NRG3: variants seen among roughly 807,000 people sequenced by gnomAD.
NRG3 encodes the protein pro-neuregulin-3, membrane-bound isoform.
In NRG3, 31 loss-of-function variants were observed where a neutral mutation model predicts 66.9. That is an observed-to-expected ratio of 0.46 (90% CI 0.35 to 0.63). The LOEUF (loss-of-function observed/expected upper bound fraction) is 0.63, where lower values mean the gene tolerates loss of function less well. Among genes scored for constraint, NRG3 ranks in the 20% least tolerant of loss-of-function variants. The probability of loss-of-function intolerance (pLI) is 0.00; values close to 1 mark genes in which losing one functional copy is unlikely to be tolerated. For missense variants in NRG3, 910 were observed against 878.9 expected, an observed-to-expected ratio of 1.04 and a Z score of -0.45; for synonymous variants, 393 against 359.4, an observed-to-expected ratio of 1.09 and a Z score of -1.06.
intron 2 of NRG3, among the ~76,000 whole-genome samples, chr10:82,415,977 G>A (rs1172315195): frequency 6.6e-6 from 1 of 152,096 alleles, no homozygotes; most frequent in Non-Finnish European, 1.5e-5. Context: ...AATGTGTTAT[G>A]TTAAAAAATG....
At chr10:82,144,721 T>C (rs561437564) in intron 1 of NRG3, among the ~76,000 whole-genome samples, 1 of 152,186 alleles carries the variant, frequency 6.6e-6, no homozygotes, top group Non-Finnish European at 1.5e-5. Context: ...TTGGGATTCA[T>C]TGTGTGACTC....
At chr10:82,027,052 G>A (rs1452752753) in intron 1 of NRG3, among the ~76,000 whole-genome samples, 1 of 151,944 alleles carries the variant, frequency 6.6e-6, no homozygotes, top group Non-Finnish European at 1.5e-5. Flanking sequence ...GTTTTCACAA[G>A]AATAAGTGAA....
chr10:82,286,280 A>G (rs901593123), intron 1 of NRG3, among the ~76,000 whole-genome samples: 3 of 152,170 alleles, frequency 2.0e-5, no homozygotes, highest in African/African-American at 7.2e-5. Flanking sequence ...AAAAGTAGCA[A>G]CTATAGATTA....
intron 1 of NRG3, among the ~76,000 whole-genome samples, chr10:82,025,755 T>A (rs967930673): frequency 6.6e-6 from 1 of 152,132 alleles, no homozygotes; most frequent in Non-Finnish European, 1.5e-5. Context: ...TTAATGAGCA[T>A]ATTGGCAACT....
At chr10:82,339,656 AT>A (rs1005342720) in intron 1 of NRG3, among the ~76,000 whole-genome samples, 6 of 152,026 alleles carry the variant, frequency 3.9e-5, no homozygotes, top group African/African-American at 7.2e-5. Context: ...TTAAATTTCT[AT>A]TTTTTTTAAA....
chr10:82,670,115 A>G lies in NRG3; in HGVS notation c.954-68462A>G, dbSNP rs1353456342. 4.6e-5 allele frequency among the ~76,000 whole-genome samples: 7 copies of G among 152,260 alleles called. 1 individual carries two copies. The Middle Eastern group carries it at 0.017, about 370-fold the overall frequency. Reference sequence around the variant, plus strand: ...CAAGATGACCTTGATTCTGGTGATTAGAAAACCCTGTGTCTCCTGAACTCC... The same window carrying G: ...CAAGATGACCTTGATTCTGGTGATTGGAAAACCCTGTGTCTCCTGAACTCC... On this transcript the variant is annotated intron_variant, in intron 2 of 8. Coordinates refer to ENST00000372141, the MANE Select transcript of NRG3 (RefSeq NM_001010848.4).
intron 2 of NRG3, among the ~76,000 whole-genome samples, chr10:82,575,196 T>A (rs2045961503): frequency 6.6e-6 from 1 of 151,726 alleles, no homozygotes; most frequent in African/African-American, 2.4e-5. Context: ...ATTTTTCATC[T>A]GTTAAAAATA....
intron 3 of NRG3, among the ~76,000 whole-genome samples, chr10:82,817,445 C>T (rs1191132264): frequency 6.6e-6 from 1 of 152,194 alleles, no homozygotes; most frequent in Non-Finnish European, 1.5e-5. Context: ...TCACAGTTCT[C>T]AGAGTTCTGT....
intron 2 of NRG3, among the ~76,000 whole-genome samples, chr10:82,724,221 CT>C (rs976625890): frequency 6.7e-5 from 10 of 150,034 alleles, no homozygotes; most frequent in South Asian, 2.1e-4. Context: ...GCCTATGCTA[CT>C]TTTTTTTTTT....
intron 2 of NRG3, among the ~76,000 whole-genome samples, chr10:82,491,293 A>AATATATATATATATAT (rs10652539): frequency 4.9e-5 from 4 of 82,188 alleles, no homozygotes; most frequent in African/African-American, 1.4e-4. Context: ...GTTCCCATAA[A>AATATATATATATATAT]ATATATATAT....
At chr10:82,185,244 A>G (rs1480330141) in intron 1 of NRG3, among the ~76,000 whole-genome samples, 1 of 152,164 alleles carries the variant, frequency 6.6e-6, no homozygotes, top group Non-Finnish European at 1.5e-5. Context: ...CATTTACTAC[A>G]TGTATGTGCT....
intron 2 of NRG3, among the ~76,000 whole-genome samples, chr10:82,727,618 C>T (rs1385418240): frequency 6.6e-6 from 1 of 152,214 alleles, no homozygotes; most frequent in African/African-American, 2.4e-5. Context: ...GCAGGATGCT[C>T]ATGGAGAACC....
intron 1 of NRG3, among the ~76,000 whole-genome samples, chr10:82,084,063 A>G (rs2065567989): frequency 6.6e-6 from 1 of 151,846 alleles, no homozygotes; most frequent in Non-Finnish European, 1.5e-5. Flanking sequence ...TCCCATCTCT[A>G]CTAAAAATAC....
intron 1 of NRG3, among the ~76,000 whole-genome samples, chr10:82,130,774 C>T (rs747360537): frequency 2.6e-5 from 4 of 152,080 alleles, no homozygotes; most frequent in East Asian, 1.9e-4. Flanking sequence ...TTTTGATTTG[C>T]ATTTCTCTGG....
intron 1 of NRG3, among the ~76,000 whole-genome samples, chr10:82,058,588 GA>G (rs1326751088): frequency 6.6e-6 from 1 of 150,818 alleles, no homozygotes; most frequent in Admixed American, 6.6e-5. Flanking sequence ...ACTTTTTCTA[GA>G]AAAAATTAGC....
intron 4 of NRG3, among the ~76,000 whole-genome samples, chr10:82,924,267 C>T (rs976651661): frequency 2.0e-5 from 3 of 151,962 alleles, no homozygotes; most frequent in Non-Finnish European, 2.9e-5. Context: ...AGGCAGAGCC[C>T]AAGACCAGAA....
At chr10:82,367,013 T>C (rs2084577280) in intron 2 of NRG3, among the ~76,000 whole-genome samples, 1 of 152,248 alleles carries the variant, frequency 6.6e-6, no homozygotes, top group Non-Finnish European at 1.5e-5. Flanking sequence ...TGTTCGACTC[T>C]ACCTAGACAG....
At chr10:82,082,919 T>G (rs1590043580) in intron 1 of NRG3, among the ~76,000 whole-genome samples, 1 of 152,148 alleles carries the variant, frequency 6.6e-6, no homozygotes, top group East Asian at 1.9e-4. Flanking sequence ...ATGACCACTT[T>G]ATTGATTACT....
At chr10:82,652,541 C>T (rs141072007) in intron 2 of NRG3, among the ~76,000 whole-genome samples, 68 of 152,242 alleles carry the variant, frequency 4.5e-4, no homozygotes, top group African/African-American at 1.6e-3. Context: ...TCTCCTCTCC[C>T]CAATTGTAGC....
Sources: gnomAD v4.1 joint callset for allele counts (sites outside exome capture counted in the v4.1 genomes callset) on GRCh38, gnomAD v4.1.1 for gene constraint, MANE v1.5 for transcripts, NCBI Gene and HGNC (gene_info 2026-07-23, HGNC 2026-07-21) for gene names.